The following HPR variants were observed in gnomAD, a reference collection of about 807,000 sequenced individuals.
The protein encoded by HPR is Haptoglobin-related locus.
HPR carries 17 observed loss-of-function variants against 18.5 expected under a neutral mutation model. That is an observed-to-expected ratio of 0.92 (90% CI 0.63 to 1.38). The LOEUF (loss-of-function observed/expected upper bound fraction) is 1.38. HPR is among the 40% of genes most tolerant of loss of function. HPR has a pLI of 0.00. For missense variants in HPR, 457 were observed against 432.4 expected, an observed-to-expected ratio of 1.06 and a Z score of -0.51; for synonymous variants, 176 against 165.0, an observed-to-expected ratio of 1.07 and a Z score of -0.51.
chr16:72,075,270 G>A (rs1431624494), intron 4 of HPR, 51 bp downstream of exon 4: 5 of 997,504 alleles, frequency 5.0e-6, no homozygotes, highest in Non-Finnish European at 7.5e-6. Context: ...GTCCAGCGGG[G>A]AACGTCCTAG....
At chr16:72,069,480 A>G (rs2041632670) in intron 1 of HPR, among the ~76,000 whole-genome samples, 1 of 152,068 alleles carries the variant, frequency 6.6e-6, no homozygotes. Flanking sequence ...TTTCTCTTCC[A>G]TTGAAAAAGA....
At chr16:72,073,831 C>T in intron 1 of HPR, 61 bp from the exon 2 acceptor site, 1 of 1,610,582 alleles carries the variant, frequency 6.2e-7, no homozygotes, top group African/African-American at 1.3e-5. Context: ...TGTGTGGATG[C>T]ATGCATGTGC....
At position 72,076,932 on chromosome 16, in the gene HPR, G is replaced by A. The variant is rs781564700; in HGVS notation, c.898G>A (p.Ala300Thr). 3 of 1,614,244 alleles carry A rather than the reference G, an allele frequency of 1.9e-6. No individual in the cohort carries two copies. Among genetic ancestry groups the A allele is most frequent in the Admixed American group, 3.3e-5 (2 of 60,032 alleles). Reference protein sequence around the residue: ...EDTCYGDAGSAFAVHDLEEDT... With the variant: ...EDTCYGDAGSTFAVHDLEEDT... ...CACCTGCTATGGCGATGCGGGCAGT[G>A]CCTTTGCCGTTCACGACCTGGAGGA... The change falls in exon 5 of 5, where the codon GCC becomes ACC. Residue 300 changes from alanine (A) to threonine (T), a missense_variant. Physicochemically the swap from Ala to Thr is moderately conservative, Grantham distance 58. Transcript: ENST00000540303.
intron 2 of HPR, 40 bp downstream of exon 2, chr16:72,074,017 C>G: frequency 6.2e-7 from 1 of 1,612,404 alleles, no homozygotes; most frequent in Non-Finnish European, 8.5e-7. Flanking sequence ...ATCCCTGGCA[C>G]TGCCACATCC....
intron 1 of HPR, among the ~76,000 whole-genome samples, chr16:72,071,120 A>C (rs947994861): frequency 6.6e-6 from 1 of 152,178 alleles, no homozygotes; most frequent in African/African-American, 2.4e-5. Context: ...ATTAAAAAAA[A>C]ATCCACACCC....
rs759626737 is a variant in HPR, at chr16:72,076,554, G to A, written c.520G>A (p.Glu174Lys). 26 of 1,614,090 alleles carry A rather than the reference G, an allele frequency of 1.6e-5. No homozygotes were observed. Among genetic ancestry groups the A allele is most frequent in the Non-Finnish European group, 2.1e-5 (25 of 1,180,048 alleles). Residue 174 changes from glutamate to lysine, a missense_variant, in exon 5 of 5, where the codon GAG becomes AAG. Physicochemically the swap from Glu to Lys is moderately conservative, Grantham distance 56. Transcript: ENST00000540303. ...CTATGTGGGGAAAAAGCAGCTTGTA[G>A]AGATTGAGAAGGTGGTTCTACACCC... ...TLYVGKKQLV[E>K]IEKVVLHPNY...
At position 72,077,146 on chromosome 16, in the gene HPR, C is replaced by T. The variant is rs879020233; in HGVS notation, c.*65C>T. ...TCAGCCTGGAAGAGGGCAAAGTGGA[C>T]GGGAGTGGACAGGAGTGGATGCGAT... On this transcript the variant is annotated 3_prime_UTR_variant, in exon 5 of 5. Coordinates refer to ENST00000540303, the MANE Select transcript of HPR (RefSeq NM_020995.4). The T allele has an allele frequency of 1.0e-4, 158 of 1,511,990 alleles. No homozygotes were observed. Among genetic ancestry groups the T allele is most frequent in the Middle Eastern group, 5.6e-4 (3 of 5,370 alleles). 93.7% of individuals were successfully genotyped at this position (1,511,990 alleles called of 1,614,324 possible). A position where few individuals can be genotyped will look rare whatever the true frequency, so the allele number is the denominator to read the frequency against.
rs1338455971 is a variant in HPR at position 72,076,843 on chromosome 16, T to G, written c.809T>G (p.Val270Gly). 8 of 1,614,124 alleles carry G rather than the reference T, an allele frequency of 5.0e-6. No individual in the cohort carries two copies. Among genetic ancestry groups the G allele is most frequent in the Non-Finnish European group, 6.8e-6 (8 of 1,180,042 alleles). Residue 270 changes from valine (V) to glycine (G), a missense_variant, in exon 5 of 5, where the codon GTA becomes GGA. By Grantham distance (109) the Val-to-Gly change is moderately radical (BLOSUM62 -3). Transcript: ENST00000540303. Reference sequence around the variant, plus strand: ...AAATGGAAGGCACCGAAGAGCCCTGTAGGGGTGCAGCCCATACTGAACGAA... The same window carrying G: ...AAATGGAAGGCACCGAAGAGCCCTGGAGGGGTGCAGCCCATACTGAACGAA... ...CPKWKAPKSP[V>G]GVQPILNEHT...
chr16:72,074,360 C>G lies in HPR; in HGVS notation c.168C>G (p.Tyr56Ter). Residue 56 changes from tyrosine (Y) to a stop codon, truncating the protein, a stop_gained, in exon 3 of 5, where the codon TAC becomes TAG. Transcript: ENST00000540303. LOFTEE classifies it high-confidence loss of function. ...EHLFRYQCKN[Y>*]YRLRTEGDGV... ...TGTTTCGCTACCAGTGTAAGAACTACTACAGACTGCGCACAGAAGGAGATG... is the reference window on the plus strand; with the variant it reads ...TGTTTCGCTACCAGTGTAAGAACTAGTACAGACTGCGCACAGAAGGAGATG... 1 of 1,613,584 alleles carries G rather than the reference C, an allele frequency of 6.2e-7. No homozygotes were observed. The highest frequency in any genetic ancestry group is 1.3e-5 in the African/African-American group (1 of 75,036).
At chr16:72,073,395 C>A (rs1355416573) in intron 1 of HPR, among the ~76,000 whole-genome samples, 4 of 152,126 alleles carry the variant, frequency 2.6e-5, no homozygotes, top group African/African-American at 7.2e-5. Context: ...TTTAAGGAAT[C>A]TTTGATTATG....
Position 72,076,441 on chromosome 16 carries a change from A to T in HPR, c.407A>T (p.Glu136Val). ...ACCACAGGGGCCACGCTGATCAATG[A>T]ACAATGGCTGCTGACCACGGCTAAA... The part of the protein sequence containing the change: ...NLTTGATLIN[E>V]QWLLTTAKNL... Residue 136 changes from glutamate to valine, a missense_variant, in exon 5 of 5, where the codon GAA (glutamate) becomes GTA (valine). Glu to Val is a moderately radical substitution (Grantham distance 121, BLOSUM62 -2). Coordinates refer to ENST00000540303, the MANE Select transcript of HPR (RefSeq NM_020995.4). 6.2e-7 allele frequency: 1 copy of T among 1,614,214 alleles called. No individual in the cohort carries two copies. The highest frequency in any genetic ancestry group is 1.1e-5 in the South Asian group (1 of 91,086).
At chr16:72,065,571 G>C (rs1334918127) in intron 1 of HPR, among the ~76,000 whole-genome samples, 1 of 152,132 alleles carries the variant, frequency 6.6e-6, no homozygotes, top group African/African-American at 2.4e-5. Flanking sequence ...ATAAGAAGAA[G>C]GAGCAAATGA....
At position 72,076,845 on chromosome 16, in the gene HPR, G is replaced by A; in HGVS notation, c.811G>A (p.Gly271Arg). 1 of 1,614,268 alleles carries A rather than the reference G, an allele frequency of 6.2e-7. No homozygotes were observed. Among genetic ancestry groups the A allele is most frequent in the Non-Finnish European group, 8.5e-7 (1 of 1,180,044 alleles). ...ATGGAAGGCACCGAAGAGCCCTGTA[G>A]GGGTGCAGCCCATACTGAACGAACA... ...PKWKAPKSPV[G>R]VQPILNEHTF... is the part of the protein sequence containing the mutation. The change falls in exon 5 of 5, where the codon GGG (glycine) becomes AGG (arginine). Residue 271 changes from glycine (G) to arginine (R), a missense_variant. Gly to Arg is a moderately radical substitution (Grantham distance 125). Transcript: ENST00000540303.
intron 1 of HPR, among the ~76,000 whole-genome samples, chr16:72,064,892 C>T (rs537710596): frequency 2.6e-5 from 4 of 152,262 alleles, no homozygotes; most frequent in African/African-American, 7.2e-5. Context: ...AGTAAGGAAT[C>T]GAGACCCACC....
chr16:72,069,744 G>A lies in HPR; in HGVS notation c.6-4148G>A, dbSNP rs750380073. 5.3e-5 allele frequency among the ~76,000 whole-genome samples: 8 copies of A among 152,260 alleles called. 1 individual carries two copies. The East Asian group carries it at 7.7e-4, about 15-fold the overall frequency. On this transcript the variant is annotated intron_variant, in intron 1 of 4. Coordinates refer to ENST00000540303, the MANE Select transcript of HPR (RefSeq NM_020995.4). ...CTAGTAAGCAGATTCTAAGAAAACC[G>A]CCCCTTGGAGAAAGAGATTCAGGGC...
intron 1 of HPR, among the ~76,000 whole-genome samples, chr16:72,070,467 C>T (rs1567589086): frequency 1.3e-5 from 2 of 152,256 alleles, no homozygotes; most frequent in Middle Eastern, 3.4e-3. Flanking sequence ...CTACTTGGTG[C>T]TCCTAAATAC....
intron 1 of HPR, among the ~76,000 whole-genome samples, chr16:72,072,189 G>C (rs905404102): frequency 6.6e-6 from 1 of 151,954 alleles, no homozygotes; most frequent in Non-Finnish European, 1.5e-5. Flanking sequence ...TGTATTTTTA[G>C]TAGAGACAGG....
In HPR at chr16:72,076,678, C is replaced by T; in HGVS notation, c.644C>T (p.Ala215Val). Residue 215 changes from alanine (A) to valine (V), a missense_variant, in exon 5 of 5, where the codon GCA (alanine) becomes GTA (valine). Ala to Val is a moderately conservative substitution (Grantham distance 64). Transcript: ENST00000540303. ...ATCTGCCTACCTTCAAAGAATTATG[C>T]AGAAGTAGGGCGTGTGGGTTACGTG... ...MPICLPSKNY[A>V]EVGRVGYVSG... is the part of the protein sequence containing the mutation. 3.1e-6 allele frequency: 5 copies of T among 1,614,148 alleles called. No homozygotes were observed. The highest frequency in any genetic ancestry group is 1.7e-5 in the Admixed American group (1 of 60,004).
chr16:72,075,505 C>G (rs2041709857), intron 4 of HPR, among the ~76,000 whole-genome samples: 1 of 152,184 alleles, frequency 6.6e-6, no homozygotes, highest in African/African-American at 2.4e-5. Context: ...GCTAGAGAGC[C>G]CTGGGTCTAA....
Sources: allele counts gnomAD v4.1 joint callset (sites outside exome capture counted in the v4.1 genomes callset), GRCh38; gene constraint gnomAD v4.1.1; transcripts MANE v1.5; gene names NCBI Gene and HGNC (gene_info 2026-07-23, HGNC 2026-07-21).